SLC24A3: variants seen among roughly 807,000 people sequenced by gnomAD.
SLC24A3 encodes the protein solute carrier family 24 member 3.
Under a neutral mutation model 75.8 loss-of-function variants are expected in SLC24A3, and 28 were observed. That is an observed-to-expected ratio of 0.37 (90% confidence interval 0.27 to 0.51). The LOEUF (loss-of-function observed/expected upper bound fraction) is 0.51, where lower values mean the gene tolerates loss of function less well. Among genes scored for constraint, SLC24A3 ranks in the 20% least tolerant of loss-of-function variants. SLC24A3 has a pLI of 0.94. For missense variants in SLC24A3, 663 were observed against 847.8 expected (o/e 0.78, Z 2.71); for synonymous variants, 372 against 334.1 (o/e 1.11, Z -1.24).
chr20:19,388,183 G>T (rs1434264493), intron 2 of SLC24A3, among the ~76,000 whole-genome samples: 1 of 152,006 alleles, frequency 6.6e-6, no homozygotes, highest in African/African-American at 2.4e-5. Context: ...AAAATAGTAG[G>T]TCTTCTTTAT....
chr20:19,374,652 G>C (rs1426700414), intron 2 of SLC24A3, among the ~76,000 whole-genome samples: 1 of 152,164 alleles, frequency 6.6e-6, no homozygotes, highest in Non-Finnish European at 1.5e-5. Context: ...AGGCATGAAG[G>C]CACTCTTTTC....
chr20:19,222,403 G>T (rs1339834928), intron 1 of SLC24A3, among the ~76,000 whole-genome samples: 2 of 152,100 alleles, frequency 1.3e-5, no homozygotes, highest in East Asian at 3.9e-4. Flanking sequence ...TGCAAAGGAG[G>T]GTCTTGTTGA....
chr20:19,664,089 A>G (rs1436540599), intron 7 of SLC24A3, among the ~76,000 whole-genome samples: 1 of 152,138 alleles, frequency 6.6e-6, no homozygotes, highest in Non-Finnish European at 1.5e-5. Context: ...CTCTTTCTCA[A>G]TATCTTCTGT....
chr20:19,634,621 T>A (rs541879621), intron 6 of SLC24A3, among the ~76,000 whole-genome samples: 279 of 152,168 alleles, frequency 1.8e-3, no homozygotes, highest in Middle Eastern at 0.01. Flanking sequence ...AGCTCAAAAA[T>A]ATGCTGAGTG....
chr20:19,629,402 A>T (rs1026778165), intron 6 of SLC24A3, among the ~76,000 whole-genome samples: 2 of 152,228 alleles, frequency 1.3e-5, no homozygotes, highest in African/African-American at 2.4e-5. Context: ...AGAGCTATTA[A>T]GAGACATATA....
intron 6 of SLC24A3, among the ~76,000 whole-genome samples, chr20:19,605,206 G>A (rs1015691786): frequency 2.6e-5 from 4 of 152,304 alleles, no homozygotes; most frequent in African/African-American, 4.8e-5. Context: ...TATTTTCACC[G>A]TTTGTACAAA....
chr20:19,519,037 C>A (rs916580481), intron 3 of SLC24A3, among the ~76,000 whole-genome samples: 1 of 152,158 alleles, frequency 6.6e-6, no homozygotes, highest in Non-Finnish European at 1.5e-5. Flanking sequence ...TCAGGCTTCC[C>A]CCAAGAGAGG....
chr20:19,373,147 C>G (rs573052439), intron 2 of SLC24A3, among the ~76,000 whole-genome samples: 3 of 152,112 alleles, frequency 2.0e-5, no homozygotes, highest in Admixed American at 6.5e-5. Flanking sequence ...CTGTGCCTGT[C>G]TCACTTTGTC....
At chr20:19,469,710 C>T (rs1987833741) in intron 2 of SLC24A3, among the ~76,000 whole-genome samples, 1 of 152,194 alleles carries the variant, frequency 6.6e-6, no homozygotes, top group African/African-American at 2.4e-5. Context: ...TTCCTAAATC[C>T]ATTCTCGTGC....
At chr20:19,484,616 T>C (rs547244027) in intron 2 of SLC24A3, among the ~76,000 whole-genome samples, 106 of 152,178 alleles carry the variant, frequency 7.0e-4, no homozygotes, top group African/African-American at 2.5e-3. Flanking sequence ...ATGAGTCCAC[T>C]TGGGTGAAGT....
chr20:19,454,032 C>T (rs1987537394), intron 2 of SLC24A3, among the ~76,000 whole-genome samples: 1 of 152,222 alleles, frequency 6.6e-6, no homozygotes, highest in African/African-American at 2.4e-5. Context: ...ATGAATTATT[C>T]CTTGAAGCCT....
intron 2 of SLC24A3, among the ~76,000 whole-genome samples, chr20:19,308,548 C>A (rs533296142): frequency 1.3e-5 from 2 of 152,290 alleles, no homozygotes; most frequent in African/African-American, 4.8e-5. Flanking sequence ...CATGCCAAGT[C>A]TCCCATTCAT....
intron 2 of SLC24A3, among the ~76,000 whole-genome samples, chr20:19,363,261 C>A (rs1161798871): frequency 6.6e-6 from 1 of 152,174 alleles, no homozygotes; most frequent in Non-Finnish European, 1.5e-5. Flanking sequence ...CCCTTTTGTT[C>A]CCCTTTTTTG....
rs1396793291 is a variant in SLC24A3, at chr20:19,722,527, C to T, written c.*1387C>T. 6.5e-6 allele frequency: 1 copy of T among 152,682 alleles called. No individual in the cohort carries two copies. The highest frequency in any genetic ancestry group is 2.4e-5 in the African/African-American group (1 of 41,466). 9.5% of individuals were successfully genotyped at this position (152,682 alleles called of 1,614,324 possible). A position where few individuals can be genotyped will look rare whatever the true frequency, so the allele number is the denominator to read the frequency against. On this transcript the variant is annotated 3_prime_UTR_variant, in exon 17 of 17. Transcript: ENST00000328041. ...AATTATTATGCAGACTAATTCCACC[C>T]AGTTGAGACACACCATGCTTGTTCA...
intron 9 of SLC24A3, among the ~76,000 whole-genome samples, chr20:19,677,557 T>C (rs1397335510): frequency 3.3e-5 from 5 of 151,990 alleles, no homozygotes; most frequent in Non-Finnish European, 7.4e-5. Context: ...ATCCACACCC[T>C]ATTCACTTCC....
At chr20:19,699,232 C>T (rs183636443) in intron 15 of SLC24A3, among the ~76,000 whole-genome samples, 1 of 152,356 alleles carries the variant, frequency 6.6e-6, no homozygotes, top group Admixed American at 6.5e-5. Context: ...CTTGCTTCAC[C>T]TTATTACAGG....
intron 2 of SLC24A3, among the ~76,000 whole-genome samples, chr20:19,323,122 C>T (rs1235838895): frequency 1.4e-5 from 2 of 144,578 alleles, no homozygotes; most frequent in Admixed American, 7.1e-5. Context: ...AGGAGAATGG[C>T]GTGAACCCGG....
chr20:19,478,272 TAACAAC>T (rs1987994856), intron 2 of SLC24A3, among the ~76,000 whole-genome samples: 1 of 152,176 alleles, frequency 6.6e-6, no homozygotes, highest in Admixed American at 6.5e-5. Flanking sequence ...TGATTTCCCA[TAACAAC>T]TGATGGATCT....
intron 6 of SLC24A3, among the ~76,000 whole-genome samples, chr20:19,611,924 CG>C (rs1455858736): frequency 6.6e-6 from 1 of 152,300 alleles, no homozygotes; most frequent in East Asian, 1.9e-4. Context: ...CCAGGCTCCC[CG>C]TTGCCCTGGC....
Sources: gnomAD v4.1 joint callset for allele counts (sites outside exome capture counted in the v4.1 genomes callset) on GRCh38, gnomAD v4.1.1 for gene constraint, MANE v1.5 for transcripts, NCBI Gene and HGNC (gene_info 2026-07-23, HGNC 2026-07-21) for gene names.